Variants in DPP6 observed in about 807,000 individuals in gnomAD.
DPP6 encodes dipeptidyl peptidase like 6, also known as A-type potassium channel modulatory protein DPP6.
A neutral mutation model predicts 122.6 loss-of-function variants in DPP6; 69 were observed. That is an observed-to-expected ratio of 0.56 (90% CI 0.46 to 0.69). The LOEUF (loss-of-function observed/expected upper bound fraction) is 0.69. DPP6 is among the 30% of genes least tolerant of loss of function. The probability of loss-of-function intolerance (pLI) is 0.00; values close to 1 mark genes in which losing one functional copy is unlikely to be tolerated. For synonymous variants in DPP6, 418 were observed against 433.1 expected, an observed-to-expected ratio of 0.97 and a Z score of 0.43; for missense variants, 928 against 1,116.9, an observed-to-expected ratio of 0.83 and a Z score of 2.41.
chr7:154,511,074 T>A (rs918342096), intron 3 of DPP6, among the ~76,000 whole-genome samples: 2 of 152,096 alleles, frequency 1.3e-5, no homozygotes, highest in African/African-American at 4.8e-5. Flanking sequence ...AGGAATGTAT[T>A]TTTCAAAATT....
chr7:154,056,872 T>A (rs60220226), intron 1 of DPP6, among the ~76,000 whole-genome samples: 2,403 of 152,356 alleles, frequency 0.016, 55 homozygotes, highest in African/African-American at 0.054. Flanking sequence ...TTACTTTTCT[T>A]CTGTTTCAAC....
intron 3 of DPP6, among the ~76,000 whole-genome samples, chr7:154,532,495 A>G (rs1416380372): frequency 6.6e-6 from 1 of 152,112 alleles, no homozygotes; most frequent in Non-Finnish European, 1.5e-5. Flanking sequence ...AGAAAAGAAA[A>G]TAACTTTCTG....
chr7:154,720,418 C>T (rs998576595), intron 7 of DPP6, among the ~76,000 whole-genome samples: 5 of 152,214 alleles, frequency 3.3e-5, no homozygotes, highest in Non-Finnish European at 7.3e-5. Context: ...TCTCCTGGGC[C>T]TTATGTACAT....
At chr7:154,473,898 TA>T (rs1339245584) in intron 2 of DPP6, among the ~76,000 whole-genome samples, 29 of 152,114 alleles carry the variant, frequency 1.9e-4, no homozygotes, top group African/African-American at 5.8e-4. Context: ...TCACCCCACA[TA>T]GCAGCACAAC....
At chr7:154,212,088 T>A (rs6464390) in intron 1 of DPP6, among the ~76,000 whole-genome samples, 1 of 151,878 alleles carries the variant, frequency 6.6e-6, no homozygotes, top group South Asian at 2.1e-4. Context: ...GTACCTTGCC[T>A]CCATCACATG....
intron 1 of DPP6, among the ~76,000 whole-genome samples, chr7:154,360,700 A>G (rs1157782467): frequency 1.3e-5 from 2 of 152,224 alleles, no homozygotes; most frequent in Non-Finnish European, 2.9e-5. Context: ...AGTGACCAGC[A>G]TGTGTGATTT....
chr7:154,172,148 C>CCCTGCCTG (rs10644496), intron 1 of DPP6, among the ~76,000 whole-genome samples: 78,463 of 150,604 alleles, frequency 0.52, 20,534 homozygotes, highest in East Asian at 0.61. Context: ...CTTCCTTCTT[C>CCCTGCCTG]CCTGCCTGCC....
chr7:154,423,626 T>C (rs1247412725), intron 1 of DPP6, among the ~76,000 whole-genome samples: 1 of 152,232 alleles, frequency 6.6e-6, no homozygotes, highest in Non-Finnish European at 1.5e-5. Context: ...TTGCCAATTG[T>C]TATTCTTTAG....
intron 1 of DPP6, among the ~76,000 whole-genome samples, chr7:153,918,105 T>C (rs1222565922): frequency 1.3e-5 from 2 of 152,208 alleles, no homozygotes; most frequent in Non-Finnish European, 2.9e-5. Context: ...GTACTTTAAC[T>C]ACCACATGGC....
At chr7:153,788,409 A>G in the DPP6 span, among the ~76,000 whole-genome samples, 5 of 152,206 alleles carry the variant, frequency 3.3e-5, no homozygotes, top group African/African-American at 9.7e-5. Context: ...AGAAAGAGTT[A>G]GATAAAAAGA....
chr7:154,669,284 G>A (rs1380212913), intron 6 of DPP6, 76 bp from the exon 7 acceptor site: 1 of 1,549,738 alleles, frequency 6.5e-7, no homozygotes, highest in African/African-American at 1.4e-5. Context: ...TTATAGGTAG[G>A]GGATAAAATT....
At position 154,613,667 on chromosome 7, in the gene DPP6, G is replaced by A. The variant is rs73727314; in HGVS notation, c.628-24154G>A. On this transcript the variant is annotated intron_variant, in intron 5 of 25. Transcript: ENST00000377770. ...AAAAAAAAAAAAGTAGATGAAGCAA[G>A]TTGCTCAAATCAGACACTTGTTTGA... Among the ~76,000 whole-genome samples the A allele has an allele frequency of 7.4e-3, 1,014 of 136,664 alleles. 15 individuals are homozygous for A. The highest frequency in any genetic ancestry group is 0.027 in the African/African-American group (965 of 35,352). The allele number at this position is 136,664 out of a possible 152,430, so 89.7% of individuals were successfully genotyped here.
At chr7:153,952,021 T>G (rs940707572) in intron 1 of DPP6, among the ~76,000 whole-genome samples, 1 of 152,146 alleles carries the variant, frequency 6.6e-6, no homozygotes, top group Non-Finnish European at 1.5e-5. Flanking sequence ...CCAGCCTCGG[T>G]GACAGAGCTA....
upstream of DPP6, among the ~76,000 whole-genome samples, chr7:153,883,250 T>C (rs938580700): frequency 6.6e-6 from 1 of 152,242 alleles, no homozygotes; most frequent in Non-Finnish European, 1.5e-5. Flanking sequence ...GAACTTCTGA[T>C]GGTAATGCTG....
At chr7:154,778,734 C>T (rs1275877282) in intron 10 of DPP6, among the ~76,000 whole-genome samples, 1 of 151,532 alleles carries the variant, frequency 6.6e-6, no homozygotes, top group African/African-American at 2.4e-5. Flanking sequence ...TCCACAACCT[C>T]TACAACTTCC....
chr7:154,159,650 G>A (rs1372714601), intron 1 of DPP6, among the ~76,000 whole-genome samples: 2 of 152,270 alleles, frequency 1.3e-5, no homozygotes, highest in Non-Finnish European at 2.9e-5. Context: ...ATGAACTTGC[G>A]CACAAAGATG....
intron 1 of DPP6, among the ~76,000 whole-genome samples, chr7:154,262,501 G>A (rs4433058): frequency 0.19 from 29,032 of 151,930 alleles, 3,236 homozygotes; most frequent in African/African-American, 0.32. Flanking sequence ...AGAGGCCTCA[G>A]AGGAATCCAG....
chr7:154,377,068 C>T (rs1050119471), intron 1 of DPP6, among the ~76,000 whole-genome samples: 3 of 152,144 alleles, frequency 2.0e-5, no homozygotes, highest in African/African-American at 7.2e-5. Context: ...CTACTGCGTG[C>T]TTAAGAAGAG....
chr7:154,132,461 C>T (rs1795332850), intron 1 of DPP6, among the ~76,000 whole-genome samples: 1 of 152,126 alleles, frequency 6.6e-6, no homozygotes, highest in South Asian at 2.1e-4. Flanking sequence ...CTTACCCCTT[C>T]ACCTCATTTA....
Sources: allele counts gnomAD v4.1 joint callset (sites outside exome capture counted in the v4.1 genomes callset), GRCh38; gene constraint gnomAD v4.1.1; transcripts MANE v1.5; gene names NCBI Gene and HGNC (gene_info 2026-07-23, HGNC 2026-07-21).